FSD1: variants seen among roughly 807,000 people sequenced by gnomAD.
FSD1 encodes fibronectin type III and SPRY domain-containing protein 1.
A neutral mutation model predicts 58.2 loss-of-function variants in FSD1; 23 were observed. That is an observed-to-expected ratio of 0.40 (90% CI 0.28 to 0.56). The LOEUF (loss-of-function observed/expected upper bound fraction) is 0.56, where lower values mean the gene tolerates loss of function less well. FSD1 is among the 20% of genes least tolerant of loss of function. The pLI is 0.54. For synonymous variants in FSD1, 265 were observed against 263.4 expected (o/e 1.01, Z -0.06); for missense variants, 563 against 670.8 (o/e 0.84, Z 1.78).
Position 4,306,185 on chromosome 19 carries a change from T to C in FSD1, c.112-13T>C, listed in dbSNP as rs961723345. On this transcript the variant is annotated splice_polypyrimidine_tract_variant and intron_variant, in intron 2 of 12. Transcript: ENST00000221856. ...AACACGGGCTTTGGCCGATTCTGGC[T>C]GTTCCGACCCAGGCGAACTCGGCGA... The C allele has an allele frequency of 6.2e-7, 1 of 1,613,910 alleles. No homozygotes were observed. Among genetic ancestry groups the C allele is most frequent in the Non-Finnish European group, 8.5e-7 (1 of 1,179,848 alleles).
intron 2 of FSD1, 35 bp downstream of exon 2, chr19:4,306,076 G>C (rs376993833): frequency 1.2e-6 from 2 of 1,605,384 alleles, no homozygotes; most frequent in African/African-American, 2.7e-5. Flanking sequence ...GGAGGTAAGG[G>C]GAGGGGAGGA....
intron 7 of FSD1, among the ~76,000 whole-genome samples, chr19:4,315,301 ATTTTTT>A (rs1219053251): frequency 1.3e-5 from 1 of 79,566 alleles, no homozygotes; most frequent in African/African-American, 5.6e-5. Flanking sequence ...CGCCTGGTTA[ATTTTTT>A]TTTTTTTTTT....
At chr19:4,309,134 G>A (rs1316825333) in intron 4 of FSD1, among the ~76,000 whole-genome samples, 4 of 152,102 alleles carry the variant, frequency 2.6e-5, no homozygotes, top group African/African-American at 9.7e-5. Flanking sequence ...TGTGGTCCCA[G>A]CTACTCAAGA....
intron 4 of FSD1, among the ~76,000 whole-genome samples, chr19:4,308,322 C>T (rs780400431): frequency 2.6e-5 from 4 of 151,488 alleles, no homozygotes; most frequent in Admixed American, 6.6e-5. Context: ...GCGGGAGAAT[C>T]GCTTGAACCT....
intron 8 of FSD1, 67 bp from the exon 9 acceptor site, chr19:4,318,279 C>G: frequency 6.2e-7 from 1 of 1,607,532 alleles, no homozygotes; most frequent in East Asian, 2.2e-5. Context: ...CTCTCTGTCT[C>G]TCTGTCTCTC....
chr19:4,310,646 G>C, intron 6 of FSD1, 50 bp downstream of exon 6: 2 of 1,577,532 alleles, frequency 1.3e-6, no homozygotes, highest in South Asian at 1.1e-5. Context: ...AATGACCTGG[G>C]AGGCTAGGAG....
At chr19:4,317,904 C>G (rs977641673) in intron 8 of FSD1, among the ~76,000 whole-genome samples, 1 of 152,170 alleles carries the variant, frequency 6.6e-6, no homozygotes, top group African/African-American at 2.4e-5. Context: ...GTAGTCCCAG[C>G]TACTTGGGAG....
At position 4,309,248 on chromosome 19, in the gene FSD1, A is replaced by C. The variant is rs529362493; in HGVS notation, c.346-1025A>C. ...GAGGGACAGAGCCAGACCTTGTCTC[A>C]AAAAAAAAGAAAAAAAAAGTATTCA... On this transcript the variant is annotated intron_variant, in intron 4 of 12. Transcript: ENST00000221856. 6.3e-4 allele frequency among the ~76,000 whole-genome samples: 96 copies of C among 151,374 alleles called. 2 individuals are homozygous for C. The South Asian group carries it at 0.02, about 31-fold the overall frequency.
chr19:4,310,757 T>TCC, intron 6 of FSD1, 161 bp downstream of exon 6: 1 of 761,400 alleles, frequency 1.3e-6, no homozygotes, highest in Non-Finnish European at 2.0e-6. Context: ...GGGGGTGGAG[T>TCC]TCTCATGGAG....
At position 4,310,548 on chromosome 19, in the gene FSD1, G is replaced by T; in HGVS notation, c.442G>T (p.Asp148Tyr). 1 of 1,613,926 alleles carries T rather than the reference G, an allele frequency of 6.2e-7. No individual in the cohort carries two copies. The highest frequency in any genetic ancestry group is 1.1e-5 in the South Asian group (1 of 91,064). ...TGACAACATGAGTCACCTCATGGTG[G>T]ACTTCGCGCAAGAGCGGCAGATGCT... is the stretch of plus-strand genomic sequence containing the variant. ...VSDNMSHLMV[D>Y]FAQERQMLQA... is the part of the protein sequence containing the mutation. Residue 148 changes from aspartate to tyrosine, a missense_variant, in exon 6 of 13, where the codon GAC becomes TAC. Coordinates refer to ENST00000221856, the MANE Select transcript of FSD1 (RefSeq NM_024333.3).
intron 10 of FSD1, among the ~76,000 whole-genome samples, chr19:4,320,885 G>GGA (rs1238863133): frequency 1.3e-5 from 2 of 150,016 alleles, no homozygotes; most frequent in Non-Finnish European, 3.0e-5. Flanking sequence ...AGGAGTATCC[G>GGA]GGGAAATAGC....
In FSD1 at chr19:4,317,198, G is replaced by T. The variant is rs889719785; in HGVS notation, c.717G>T (p.Met239Ile). 6.2e-7 allele frequency: 1 copy of T among 1,610,004 alleles called. No individual in the cohort carries two copies. Residue 239 changes from methionine to isoleucine, a missense_variant, in exon 8 of 13, where the codon ATG becomes ATT. Physicochemically the swap from Met to Ile is conservative, Grantham distance 10. Coordinates refer to ENST00000221856, the MANE Select transcript of FSD1 (RefSeq NM_024333.3). Reference protein sequence around the residue: ...EYTLTGLKFDMKYMNFRVKAC... With the variant: ...EYTLTGLKFDIKYMNFRVKAC... The stretch of plus-strand genomic sequence containing the variant: ...GCCTACCAGGTCTCAAGTTTGACAT[G>T]AAATACATGAACTTCCGTGTGAAGG...
Position 4,310,706 on chromosome 19 carries a change from C to T in FSD1, c.490+110C>T, listed in dbSNP as rs570620686. 5.4e-6 allele frequency: 7 copies of T among 1,287,244 alleles called. No homozygotes were observed. The East Asian group carries it at 7.1e-5, about 13-fold the overall frequency. 79.7% of individuals were successfully genotyped at this position (1,287,244 alleles called of 1,614,324 possible). On this transcript the variant is annotated intron_variant, in intron 6 of 12. Coordinates refer to ENST00000221856, the MANE Select transcript of FSD1 (RefSeq NM_024333.3). ...GGTGGACGACCCGGTGTCTGAATTC[C>T]GCCTGGGGGAGGTGGAGCTCTGAGA...
At chr19:4,305,844 G>A (rs1971613316) in intron 1 of FSD1, 102 bp from the exon 2 acceptor site, 4 of 824,372 alleles carry the variant, frequency 4.9e-6, no homozygotes, top group Non-Finnish European at 8.4e-6. Flanking sequence ...ATGTACGTGT[G>A]TGCATGTGTG....
intron 1 of FSD1, among the ~76,000 whole-genome samples, chr19:4,305,673 G>A (rs1471733478): frequency 6.6e-6 from 1 of 152,182 alleles, no homozygotes; most frequent in African/African-American, 2.4e-5. Flanking sequence ...TTTACCTCCT[G>A]GCTGGTGCCC....
chr19:4,317,347 C>G, intron 8 of FSD1, 67 bp downstream of exon 8: 1 of 974,360 alleles, frequency 1.0e-6, no homozygotes, highest in Non-Finnish European at 1.6e-6. Context: ...CCCCCAGAGA[C>G]CATGAGAATC....
intron 8 of FSD1, 125 bp from the exon 9 acceptor site, chr19:4,318,221 C>A: frequency 8.0e-7 from 1 of 1,248,198 alleles, no homozygotes; most frequent in Non-Finnish European, 1.1e-6. Flanking sequence ...GGACTCTTAT[C>A]TCCTTGGCTC....
intron 3 of FSD1, 147 bp from the exon 4 acceptor site, chr19:4,307,735 G>A: frequency 1.7e-6 from 1 of 587,026 alleles, no homozygotes; most frequent in South Asian, 2.1e-5. Context: ...GCCCCATTTG[G>A]TGGGGCGCTC....
In FSD1 at chr19:4,304,655, G is replaced by C. The variant is rs1171648947; in HGVS notation, c.-92G>C. Reference sequence around the variant, plus strand: ...GGCGCGGCGGCGGCGAGGGCTCGGCGGGCCATTGGCTACCGGCCGCGGCAA... The same window carrying C: ...GGCGCGGCGGCGGCGAGGGCTCGGCCGGCCATTGGCTACCGGCCGCGGCAA... On this transcript the variant is annotated 5_prime_UTR_variant, in exon 1 of 13. Coordinates refer to ENST00000221856, the MANE Select transcript of FSD1 (RefSeq NM_024333.3). 2 of 762,914 alleles carry C rather than the reference G, an allele frequency of 2.6e-6. No homozygotes were observed. Among genetic ancestry groups the C allele is most frequent in the Admixed American group, 4.4e-5 (1 of 22,726 alleles). The allele number at this position is 762,914 out of a possible 1,614,324, so 47.3% of individuals were successfully genotyped here. A position where few individuals can be genotyped will look rare whatever the true frequency, so the allele number is the denominator to read the frequency against.
Sources: allele counts gnomAD v4.1 joint callset (sites outside exome capture counted in the v4.1 genomes callset), GRCh38; gene constraint gnomAD v4.1.1; transcripts MANE v1.5; gene names NCBI Gene and HGNC (gene_info 2026-07-23, HGNC 2026-07-21).